Variants in PROSER3 observed in about 807,000 individuals in gnomAD.
The protein encoded by PROSER3 is proline and serine rich 3.
Under a neutral mutation model 50.2 loss-of-function variants are expected in PROSER3, and 33 were observed. That is an observed-to-expected ratio of 0.66 (90% confidence interval 0.50 to 0.88). The LOEUF (loss-of-function observed/expected upper bound fraction) is 0.88, where lower values mean the gene tolerates loss of function less well. Among genes scored for constraint, PROSER3 ranks in the 40% least tolerant of loss-of-function variants. The pLI is 0.00. For synonymous variants in PROSER3, 266 were observed against 259.3 expected (o/e 1.03, Z -0.25); for missense variants, 623 against 612.7 (o/e 1.02, Z -0.18).
intron 5 of PROSER3, among the ~76,000 whole-genome samples, chr19:35,763,691 A>T (rs1235075817): frequency 6.7e-6 from 1 of 149,744 alleles, no homozygotes; most frequent in Non-Finnish European, 1.5e-5. Context: ...TATTTTTAGT[A>T]GAGATGGGGT....
exon 3 of PROSER3, chr19:35,759,856 C>A (rs1970897550): frequency 6.3e-7 from 1 of 1,581,186 alleles, no homozygotes; most frequent in Admixed American, 1.8e-5. Context: ...GCCACAGGTC[C>A]CAACTCCCCT....
At chr19:35,769,261 A>ATGGAGTT (rs1971273437), downstream of PROSER3, 1 of 151,052 alleles carries the variant, frequency 6.6e-6, no homozygotes, top group Non-Finnish European at 1.5e-5. Context: ...TAGGTCCTAA[A>ATGGAGTT]TGGAGTTTCC....
exon 11 of PROSER3, chr19:35,768,794 A>G (rs963885291): frequency 2.7e-6 from 1 of 364,456 alleles, no homozygotes; most frequent in Non-Finnish European, 4.8e-6. Flanking sequence ...TTCTGGCAAG[A>G]CTGGGACCCA....
At chr19:35,768,560 A>C in exon 11 of PROSER3, 1 of 1,547,946 alleles carries the variant, frequency 6.5e-7, no homozygotes, top group Non-Finnish European at 8.6e-7. Flanking sequence ...TACAGATTCT[A>C]TTTTACCCAG....
rs11881839 is a variant in PROSER3, at chr19:35,768,390, C to T, written c.1302-14C>T. 187,551 of 1,592,672 alleles carry T rather than the reference C, an allele frequency of 0.12. 12,328 individuals carry two copies. Among genetic ancestry groups the T allele is most frequent in the African/African-American group, 0.25 (18,519 of 74,730 alleles). ...GCACATACCCCAGCCTCTGCTCTCCCGGCCTTTCTCCAGGGAAGCGGATGC... is the reference window on the plus strand; with the variant it reads ...GCACATACCCCAGCCTCTGCTCTCCTGGCCTTTCTCCAGGGAAGCGGATGC... On this transcript the variant is annotated splice_polypyrimidine_tract_variant and intron_variant, in intron 10 of 10. Transcript: ENST00000396908.
chr19:35,765,926 G>C (rs1048646578), intron 7 of PROSER3, among the ~76,000 whole-genome samples: 2 of 152,196 alleles, frequency 1.3e-5, no homozygotes, highest in African/African-American at 4.8e-5. Context: ...GATACATGAA[G>C]GAAGAGCATT....
Position 35,766,683 on chromosome 19 carries a change from T to C in PROSER3, c.770-85T>C, listed in dbSNP as rs528354405. 277 of 935,052 alleles carry C rather than the reference T, an allele frequency of 3.0e-4. 2 individuals are homozygous for C. The South Asian group carries it at 4.2e-3, about 14-fold the overall frequency. 57.9% of individuals were successfully genotyped at this position (935,052 alleles called of 1,614,324 possible). A position where few individuals can be genotyped will look rare whatever the true frequency, so the allele number is the denominator to read the frequency against. On this transcript the variant is annotated intron_variant, in intron 7 of 10. Coordinates refer to ENST00000396908, the Ensembl canonical transcript of PROSER3. ...CCTGTCTGAGTAACCCCCTGCACAG[T>C]TGGAGGGCGTGTGTGCAGGCTGTCC... is the stretch of plus-strand genomic sequence containing the variant.
chr19:35,759,907 C>A, exon 3 of PROSER3: 1 of 1,602,860 alleles, frequency 6.2e-7, no homozygotes, highest in South Asian at 1.1e-5. Context: ...TCAGGGACCC[C>A]CTCCCTGCCC....
At chr19:35,758,834 ATTTT>A (rs1278196746) in intron 1 of PROSER3, 1 of 153,004 alleles carries the variant, frequency 6.5e-6, no homozygotes, top group African/African-American at 2.4e-5. Flanking sequence ...CGCCTGGCTA[ATTTT>A]TTATATTTTT....
intron 1 of PROSER3, 110 bp downstream of exon 1, chr19:35,758,336 C>G (rs1366238740): frequency 7.5e-7 from 1 of 1,330,600 alleles, no homozygotes; most frequent in African/African-American, 1.5e-5. Flanking sequence ...AGGGCTCCAC[C>G]GCACTGGAAC....
At chr19:35,760,596 C>T (rs1392753280) in intron 3 of PROSER3, among the ~76,000 whole-genome samples, 1 of 152,148 alleles carries the variant, frequency 6.6e-6, no homozygotes, top group Non-Finnish European at 1.5e-5. Context: ...AGTGATTCTC[C>T]TGCCTCAGCC....
chr19:35,768,543 T>C (rs747231923), exon 11 of PROSER3: 5 of 1,582,082 alleles, frequency 3.2e-6, no homozygotes, highest in Admixed American at 3.6e-5. Flanking sequence ...CAGAAGACTT[T>C]GAATTGTACA....
chr19:35,770,168 G>A (rs767212863), downstream of PROSER3, among the ~76,000 whole-genome samples: 5 of 152,146 alleles, frequency 3.3e-5, no homozygotes, highest in Admixed American at 3.3e-4. Context: ...CTCCCAAAGC[G>A]CTGGGATTAC....
intron 5 of PROSER3, 189 bp downstream of exon 5, chr19:35,762,545 C>T (rs1252928235): frequency 7.3e-6 from 2 of 272,352 alleles, no homozygotes; most frequent in Non-Finnish European, 1.2e-5. Flanking sequence ...TCTGCCTCTA[C>T]TAAAAAAAAA....
At chr19:35,767,833 G>C (rs760397364) in exon 9 of PROSER3, 22 of 1,612,996 alleles carry the variant, frequency 1.4e-5, no homozygotes, top group Non-Finnish European at 1.2e-5. Context: ...AGGCCTTGCC[G>C]CCCGCAGCGG....
At chr19:35,768,473 C>T (rs368340649) in exon 11 of PROSER3, 11 of 1,598,074 alleles carry the variant, frequency 6.9e-6, no homozygotes, top group African/African-American at 1.3e-5. Context: ...CCCCTCCAGC[C>T]GGGTCGCCCC....
rs1036089151 is a variant in PROSER3 at position 35,759,416 on chromosome 19, GC to G, written c.58del (p.Leu20TrpfsTer19). On this transcript the variant is annotated frameshift_variant, in exon 2 of 11. Transcript: ENST00000396908. LOFTEE classifies it high-confidence loss of function. ...TTCAAGATAGTCCCTTTGGAGATGC[GC>G]CCCTGGGTCGAAGCCACTACTGGCC... 1.9e-6 allele frequency: 3 copies of G among 1,613,334 alleles called. No homozygotes were observed. In the African/African-American group the frequency reaches 4.0e-5, roughly 22 times the overall value.
chr19:35,764,600 G>A (rs1308186433), intron 5 of PROSER3, among the ~76,000 whole-genome samples: 1 of 151,352 alleles, frequency 6.6e-6, no homozygotes, highest in African/African-American at 2.4e-5. Context: ...AGGTTGCTGT[G>A]AGCCGAGATC....
intron 2 of PROSER3, 64 bp downstream of exon 2, chr19:35,759,534 G>A (rs1970884412): frequency 7.0e-7 from 1 of 1,418,706 alleles, no homozygotes; most frequent in East Asian, 2.4e-5. Context: ...CCTTTAGAGG[G>A]TAGGAAGACA....
Sources: gnomAD v4.1 joint callset for allele counts (sites outside exome capture counted in the v4.1 genomes callset) on GRCh38, gnomAD v4.1.1 for gene constraint, MANE v1.5 for transcripts, NCBI Gene and HGNC (gene_info 2026-07-23, HGNC 2026-07-21) for gene names.